The following HIVEP1 variants were observed in gnomAD, a reference collection of about 807,000 sequenced individuals.
HIVEP1 encodes the protein zinc finger protein 40.
HIVEP1 carries 36 observed loss-of-function variants against 180.0 expected under a neutral mutation model. The ratio of observed to expected loss-of-function variants is 0.20; its 90% confidence interval spans 0.15 to 0.26. The LOEUF (loss-of-function observed/expected upper bound fraction) is 0.26. HIVEP1 is among the 10% of genes least tolerant of loss of function. The pLI, the probability that HIVEP1 is intolerant of heterozygous loss-of-function variation, is 1.00. For synonymous variants in HIVEP1, 1,239 were observed against 1,239.0 expected (o/e 1.00, Z 0.00); for missense variants, 3,143 against 3,268.7 (o/e 0.96, Z 0.94).
Position 12,124,174 on chromosome 6 carries a change from A to G in HIVEP1, c.4379A>G (p.Asn1460Ser). 1 of 1,613,972 alleles carries G rather than the reference A, an allele frequency of 6.2e-7. No homozygotes were observed. The highest frequency in any genetic ancestry group is 1.7e-5 in the Admixed American group (1 of 60,022). Residue 1460 changes from asparagine to serine, a missense_variant, in exon 4 of 9, where the codon AAT (asparagine) becomes AGT (serine). Asn to Ser is a conservative substitution (Grantham distance 46). Transcript: ENST00000379388. ...SFQNTALPSV[N>S]AVPYQGPQLT... ...CAAAATACTGCTCTTCCCAGTGTGA[A>G]TGCAGTGCCATATCAGGGGCCTCAG...
chr6:12,126,297 C>T (rs1160271725), intron 4 of HIVEP1, among the ~76,000 whole-genome samples: 1 of 151,962 alleles, frequency 6.6e-6, no homozygotes, highest in Admixed American at 6.6e-5. Context: ...GTATTTCATC[C>T]TGAAATATAA....
chr6:12,091,273 A>G (rs143066260), intron 3 of HIVEP1, among the ~76,000 whole-genome samples: 1 of 152,120 alleles, frequency 6.6e-6, no homozygotes. Flanking sequence ...GTCATCTACA[A>G]TAGATCTCTT....
downstream of HIVEP1, chr6:12,165,259 A>C (rs570933094): frequency 3.3e-5 from 12 of 362,732 alleles, no homozygotes; most frequent in African/African-American, 2.7e-4. Context: ...CTGTATATAC[A>C]TAAAGCATAT....
intron 2 of HIVEP1, among the ~76,000 whole-genome samples, chr6:12,073,235 C>T (rs1282461847): frequency 1.3e-5 from 2 of 152,190 alleles, no homozygotes; most frequent in African/African-American, 4.8e-5. Flanking sequence ...CTATCCCTGG[C>T]AGGACTTGAG....
intron 1 of HIVEP1, among the ~76,000 whole-genome samples, chr6:12,013,447 C>G (rs1277241798): frequency 6.6e-6 from 1 of 152,184 alleles, no homozygotes; most frequent in Admixed American, 6.5e-5. Flanking sequence ...CTTCCCCCCA[C>G]AAGGATTTAA....
intron 1 of HIVEP1, chr6:12,012,784 GAGC>G (rs1423856869): frequency 1.3e-5 from 2 of 152,914 alleles, no homozygotes; most frequent in African/African-American, 4.8e-5. Context: ...CGCGCGAGCC[GAGC>G]AGGTACAGAG....
chr6:12,199,289 T>A, the HIVEP1 span, among the ~76,000 whole-genome samples: 555 of 151,714 alleles, frequency 3.7e-3, 2 homozygotes, highest in African/African-American at 0.013. Context: ...ACTTATTCAG[T>A]CTCAGGTATG....
At chr6:12,024,071 A>T (rs551483203) in intron 2 of HIVEP1, among the ~76,000 whole-genome samples, 1 of 152,292 alleles carries the variant, frequency 6.6e-6, no homozygotes, top group Admixed American at 6.5e-5. Flanking sequence ...CTGCATATTA[A>T]TACTATGCTC....
chr6:12,103,333 T>C (rs556481086), intron 3 of HIVEP1, among the ~76,000 whole-genome samples: 5 of 152,172 alleles, frequency 3.3e-5, no homozygotes, highest in Non-Finnish European at 5.9e-5. Flanking sequence ...ATCTGTGTTT[T>C]GCAGATAATG....
intron 2 of HIVEP1, among the ~76,000 whole-genome samples, chr6:12,084,797 G>C (rs72826076): frequency 6.6e-6 from 1 of 151,936 alleles, no homozygotes; most frequent in South Asian, 2.1e-4. Flanking sequence ...GAGGACGTAC[G>C]GGTGCTAGCG....
chr6:12,077,501 T>TG (rs886796377), intron 2 of HIVEP1, among the ~76,000 whole-genome samples: 10 of 152,258 alleles, frequency 6.6e-5, no homozygotes, highest in African/African-American at 2.4e-4. Flanking sequence ...AGGCATGTGA[T>TG]GGGGAAGTGA....
upstream of HIVEP1, chr6:12,008,884 TTCTCTCGGTTCTTTTG>T (rs1767134879): frequency 6.6e-6 from 1 of 152,292 alleles, no homozygotes; most frequent in Non-Finnish European, 1.5e-5. Context: ...GGGTAAGTTT[TTCTCTCGGTTCTTTTG>T]TCTGGCGCCT....
chr6:12,031,363 C>T (rs1416594574), intron 2 of HIVEP1, among the ~76,000 whole-genome samples: 1 of 152,178 alleles, frequency 6.6e-6, no homozygotes, highest in Non-Finnish European at 1.5e-5. Context: ...ACCTGGGATA[C>T]ATGTGGAGAG....
In HIVEP1 at chr6:12,164,210, G is replaced by A. The variant is rs1286511632; in HGVS notation, c.7906G>A (p.Glu2636Lys). 1 of 1,614,188 alleles carries A rather than the reference G, an allele frequency of 6.2e-7. No homozygotes were observed. The highest frequency in any genetic ancestry group is 8.5e-7 in the Non-Finnish European group (1 of 1,180,042). ...RLDGLSKMDT[E>K]KAASANHVKP... The stretch of plus-strand genomic sequence containing the variant: ...TGATGGCCTGAGTAAAATGGACACA[G>A]AGAAGGCTGCCTCGGCAAATCACGT... The change falls in exon 9 of 9, where the codon GAG (glutamate) becomes AAG (lysine). Residue 2636 changes from glutamate to lysine, a missense_variant. Coordinates refer to ENST00000379388, the MANE Select transcript of HIVEP1 (RefSeq NM_002114.4).
At chr6:12,070,449 A>G (rs1407353491) in intron 2 of HIVEP1, among the ~76,000 whole-genome samples, 5 of 152,096 alleles carry the variant, frequency 3.3e-5, no homozygotes, top group Non-Finnish European at 7.4e-5. Flanking sequence ...GCACTTTGGG[A>G]GGCCGAGGCG....
chr6:12,028,029 G>A (rs2113629264), intron 2 of HIVEP1, among the ~76,000 whole-genome samples: 1 of 152,258 alleles, frequency 6.6e-6, no homozygotes, highest in South Asian at 2.1e-4. Flanking sequence ...GAGTTGTTTG[G>A]GGAATACTTT....
intron 2 of HIVEP1, among the ~76,000 whole-genome samples, chr6:12,056,530 T>C (rs1314764295): frequency 6.6e-6 from 1 of 152,212 alleles, no homozygotes; most frequent in African/African-American, 2.4e-5. Context: ...TGAATTCTTA[T>C]TCTTATCGAT....
At chr6:12,133,646 A>T (rs1238785280) in intron 6 of HIVEP1, among the ~76,000 whole-genome samples, 1 of 152,200 alleles carries the variant, frequency 6.6e-6, no homozygotes, top group African/African-American at 2.4e-5. Flanking sequence ...GTTTCTTAAA[A>T]AGTAAATAAC....
chr6:12,015,674 G>A lies in HIVEP1; in HGVS notation c.40+6G>A. 6.2e-7 allele frequency: 1 copy of A among 1,612,486 alleles called. No homozygotes were observed. On this transcript the variant is annotated splice_donor_region_variant and intron_variant, in intron 2 of 8. Coordinates refer to ENST00000379388, the MANE Select transcript of HIVEP1 (RefSeq NM_002114.4). ...TCATCCCAGAAATCTAAGAGGTAAAGCATTGCATTAAGTAGAAGTAAGGCT... is the reference window on the plus strand; with the variant it reads ...TCATCCCAGAAATCTAAGAGGTAAAACATTGCATTAAGTAGAAGTAAGGCT...
Sources: gnomAD v4.1 joint callset for allele counts (sites outside exome capture counted in the v4.1 genomes callset) on GRCh38, gnomAD v4.1.1 for gene constraint, MANE v1.5 for transcripts, NCBI Gene and HGNC (gene_info 2026-07-23, HGNC 2026-07-21) for gene names.